The following CYP4X1 variants were observed in gnomAD, a reference collection of about 807,000 sequenced individuals.
CYP4X1 encodes cytochrome P450 family 4 subfamily X member 1.
CYP4X1 carries 44 observed loss-of-function variants against 57.9 expected under a neutral mutation model. The observed-to-expected ratio is 0.76, with a 90% CI of 0.60 to 0.98. CYP4X1 has a LOEUF of 0.98. CYP4X1 is among the 50% of genes least tolerant of loss of function. CYP4X1 has a pLI of 0.00. For missense variants in CYP4X1, 532 were observed against 623.9 expected (o/e 0.85, Z 1.57); for synonymous variants, 227 against 228.6 (o/e 0.99, Z 0.06).
the CYP4X1 span, among the ~76,000 whole-genome samples, chr1:46,965,781 T>G: frequency 3.9e-5 from 6 of 152,212 alleles, no homozygotes; most frequent in African/African-American, 1.4e-4. Flanking sequence ...ACCATTTGTA[T>G]TCTCTATAGC....
the CYP4X1 span, among the ~76,000 whole-genome samples, chr1:46,981,525 C>T: frequency 6.6e-6 from 1 of 152,212 alleles, no homozygotes; most frequent in Non-Finnish European, 1.5e-5. Flanking sequence ...CACTTTTACA[C>T]TGTTGGTGGG....
chr1:46,972,455 TG>T, the CYP4X1 span, among the ~76,000 whole-genome samples: 1 of 152,208 alleles, frequency 6.6e-6, no homozygotes, highest in Non-Finnish European at 1.5e-5. Flanking sequence ...TTAGAGTGGT[TG>T]TTTCTAATTG....
the CYP4X1 span, among the ~76,000 whole-genome samples, chr1:46,965,225 CG>C: frequency 2.0e-5 from 3 of 152,194 alleles, no homozygotes; most frequent in Admixed American, 6.5e-5. Flanking sequence ...GGCTCATGCT[CG>C]GTGTGCTGCA....
At chr1:47,054,611 G>T (rs1007639638), downstream of CYP4X1, among the ~76,000 whole-genome samples, 7 of 152,086 alleles carry the variant, frequency 4.6e-5, no homozygotes, top group African/African-American at 9.7e-5. Flanking sequence ...GCGGTTTGTA[G>T]TTCTCCTTGA....
the CYP4X1 span, among the ~76,000 whole-genome samples, chr1:46,968,148 C>T: frequency 6.6e-6 from 1 of 152,210 alleles, no homozygotes; most frequent in South Asian, 2.1e-4. Context: ...TCTGAAGGGG[C>T]ACTTTGTGGA....
the CYP4X1 span, among the ~76,000 whole-genome samples, chr1:46,996,210 C>CA: frequency 2.6e-5 from 4 of 152,212 alleles, no homozygotes; most frequent in Admixed American, 2.6e-4. Context: ...AGGGTAGCTG[C>CA]AACACTAGTG....
the CYP4X1 span, chr1:46,967,617 C>T: frequency 2.9e-6 from 1 of 348,970 alleles, no homozygotes; most frequent in Non-Finnish European, 5.3e-6. Context: ...AGGATGTGGG[C>T]AGACAGGCAG....
upstream of CYP4X1, among the ~76,000 whole-genome samples, chr1:47,021,142 CAAAAAAAAAA>C (rs546594827): frequency 1.5e-4 from 7 of 47,460 alleles, no homozygotes; most frequent in South Asian, 5.5e-3. Flanking sequence ...GCAGGAATGC[CAAAAAAAAAA>C]AAAAAAAAAA....
chr1:47,047,411 A>G (rs72892630), intron 9 of CYP4X1, among the ~76,000 whole-genome samples: 3,282 of 152,314 alleles, frequency 0.022, 107 homozygotes, highest in African/African-American at 0.075. Flanking sequence ...CAGACCCAGA[A>G]TTAATTTCTG....
the CYP4X1 span, among the ~76,000 whole-genome samples, chr1:47,003,706 TACTC>T: frequency 1.3e-5 from 2 of 151,960 alleles, no homozygotes; most frequent in African/African-American, 4.8e-5. Flanking sequence ...CACAAGAACT[TACTC>T]ACTATTGTGA....
At chr1:46,999,026 T>TGTGTGTGTGTGTGTG in the CYP4X1 span, among the ~76,000 whole-genome samples, 104 of 143,326 alleles carry the variant, frequency 7.3e-4, 2 homozygotes, top group African/African-American at 2.6e-3. Flanking sequence ...CTTGCTTTCT[T>TGTGTGTGTGTGTGTG]TGTGTGTGTG....
chr1:46,972,937 T>C, the CYP4X1 span, among the ~76,000 whole-genome samples: 2 of 152,128 alleles, frequency 1.3e-5, no homozygotes, highest in Admixed American at 6.6e-5. Flanking sequence ...TTATTTTGTC[T>C]GGTTGTTCTG....
At chr1:47,010,866 C>T in the CYP4X1 span, among the ~76,000 whole-genome samples, 32 of 152,276 alleles carry the variant, frequency 2.1e-4, 1 homozygote, top group South Asian at 5.2e-3. Flanking sequence ...TGAAGGACCT[C>T]TTCAAGGAGA....
chr1:46,989,594 A>G, the CYP4X1 span, among the ~76,000 whole-genome samples: 1 of 152,202 alleles, frequency 6.6e-6, no homozygotes, highest in Non-Finnish European at 1.5e-5. Context: ...CATAGACAAG[A>G]CAATCATAAG....
At chr1:47,007,581 G>A in the CYP4X1 span, among the ~76,000 whole-genome samples, 10 of 152,232 alleles carry the variant, frequency 6.6e-5, no homozygotes, top group Non-Finnish European at 8.8e-5. Context: ...GACGGAGAAT[G>A]ACTTTGACGA....
chr1:47,041,928 T>C (rs1173097701), intron 8 of CYP4X1, among the ~76,000 whole-genome samples: 1 of 152,166 alleles, frequency 6.6e-6, no homozygotes, highest in Non-Finnish European at 1.5e-5. Context: ...TGTTTAAATC[T>C]TTAATCCATT....
At chr1:46,994,999 C>G in the CYP4X1 span, among the ~76,000 whole-genome samples, 304 of 152,274 alleles carry the variant, frequency 2.0e-3, 3 homozygotes, top group African/African-American at 7.1e-3. Flanking sequence ...ATGGATTAGA[C>G]TCTTTCTCTA....
chr1:46,985,295 T>C, the CYP4X1 span, among the ~76,000 whole-genome samples: 2 of 152,122 alleles, frequency 1.3e-5, no homozygotes, highest in Non-Finnish European at 2.9e-5. Flanking sequence ...GCCACTGCAC[T>C]CCAGCCTGGG....
chr1:47,033,382 G>A lies in CYP4X1; in HGVS notation c.492+14G>A. ...AAAATGATGCTGGTAAGTAAAGGGG[G>A]AAAGTGCTCTGTGCATTGCGAAATG... On this transcript the variant is annotated intron_variant, in intron 4 of 11. Transcript: ENST00000371901. The A allele has an allele frequency of 1.2e-6, 2 of 1,613,512 alleles. No homozygotes were observed. Among genetic ancestry groups the A allele is most frequent in the South Asian group, 1.1e-5 (1 of 91,022 alleles).
Sources: gnomAD v4.1 joint callset for allele counts (sites outside exome capture counted in the v4.1 genomes callset) on GRCh38, gnomAD v4.1.1 for gene constraint, MANE v1.5 for transcripts, NCBI Gene and HGNC (gene_info 2026-07-23, HGNC 2026-07-21) for gene names.